The following FBXW11 variants were observed in gnomAD, a reference collection of about 807,000 sequenced individuals.
FBXW11 encodes the protein F-box/WD repeat-containing protein 11.
Under a neutral mutation model 77.6 loss-of-function variants are expected in FBXW11, and 19 were observed. That is an observed-to-expected ratio of 0.24 (90% confidence interval 0.17 to 0.36). FBXW11 has a LOEUF of 0.36. FBXW11 is among the 10% of genes least tolerant of loss of function. The pLI, the probability that FBXW11 is intolerant of heterozygous loss-of-function variation, is 1.00. For missense variants in FBXW11, 334 were observed against 704.2 expected, an observed-to-expected ratio of 0.47 and a Z score of 5.95; for synonymous variants, 235 against 249.4, an observed-to-expected ratio of 0.94 and a Z score of 0.54.
chr5:171,979,025 T>C (rs1233526294), intron 1 of FBXW11, among the ~76,000 whole-genome samples: 13 of 152,202 alleles, frequency 8.5e-5, no homozygotes, highest in Admixed American at 8.5e-4. Context: ...ATCATGTTCA[T>C]AAAGGTTAAG....
In FBXW11 at chr5:171,922,460, T is replaced by A. The variant is rs566861137; in HGVS notation, c.148-8055A>T. Among the ~76,000 whole-genome samples, 29 of 152,320 alleles carry A rather than the reference T, an allele frequency of 1.9e-4. No homozygotes were observed. The South Asian group carries it at 5.4e-3, about 28-fold the overall frequency. On this transcript the variant is annotated intron_variant, in intron 2 of 13. Transcript: ENST00000517395. ...AAAATCACTAGAAAGCCAGAAGTAT[T>A]CATTTTGAAAAAGAAGAGATAAATT...
At chr5:171,987,069 A>T (rs10039636) in intron 1 of FBXW11, among the ~76,000 whole-genome samples, 31,633 of 152,102 alleles carry the variant, frequency 0.21, 6,913 homozygotes, top group African/African-American at 0.56. Flanking sequence ...ATGCTCTTTA[A>T]GAGAATCCAG....
At chr5:171,889,509 CAG>C (rs1759158565) in intron 7 of FBXW11, among the ~76,000 whole-genome samples, 1 of 118,932 alleles carries the variant, frequency 8.4e-6, no homozygotes, top group Non-Finnish European at 1.6e-5. Context: ...GCCTGGGTGA[CAG>C]AGTGAGACTC....
chr5:171,987,046 G>T (rs1364281224), intron 1 of FBXW11, among the ~76,000 whole-genome samples: 1 of 152,170 alleles, frequency 6.6e-6, no homozygotes, highest in African/African-American at 2.4e-5. Flanking sequence ...CGCATGTGAG[G>T]GATCTACGTT....
chr5:171,878,591 TAAGAGAGAGA>T (rs1758280170), intron 7 of FBXW11, among the ~76,000 whole-genome samples: 4 of 95,478 alleles, frequency 4.2e-5, no homozygotes, highest in Non-Finnish European at 4.3e-5. Context: ...TGTGTGTGTG[TAAGAGAGAGA>T]GAGTGTGTGT....
At chr5:171,926,922 A>G (rs954561412) in intron 2 of FBXW11, among the ~76,000 whole-genome samples, 2 of 152,220 alleles carry the variant, frequency 1.3e-5, no homozygotes, top group African/African-American at 4.8e-5. Context: ...ACTTCAGTGC[A>G]GTGGGAAAAG....
At chr5:171,981,110 T>C (rs552147599) in intron 1 of FBXW11, among the ~76,000 whole-genome samples, 2 of 149,884 alleles carry the variant, frequency 1.3e-5, no homozygotes, top group East Asian at 4.0e-4. Context: ...TAATCATTAA[T>C]TAATCATTAA....
intron 1 of FBXW11, among the ~76,000 whole-genome samples, chr5:171,959,695 A>G (rs1471346021): frequency 6.6e-6 from 1 of 151,936 alleles, no homozygotes; most frequent in African/African-American, 2.4e-5. Context: ...TAAAAACACA[A>G]AAATTAGCCA....
intron 7 of FBXW11, 62 bp downstream of exon 7, chr5:171,891,405 A>G: frequency 6.9e-7 from 1 of 1,442,974 alleles, no homozygotes; most frequent in Non-Finnish European, 9.3e-7. Context: ...AGATTGTCAC[A>G]TCTAGTGTCT....
At chr5:171,988,775 G>A (rs563222320) in intron 1 of FBXW11, among the ~76,000 whole-genome samples, 15 of 152,126 alleles carry the variant, frequency 9.9e-5, no homozygotes, top group Non-Finnish European at 2.1e-4. Flanking sequence ...AATCCAGGAG[G>A]CAGAGGCTGC....
chr5:171,910,090 A>C (rs1326203011), intron 4 of FBXW11, among the ~76,000 whole-genome samples: 4 of 134,392 alleles, frequency 3.0e-5, no homozygotes, highest in African/African-American at 8.5e-5. Context: ...TTTGAGACAG[A>C]GTCTCGCTCT....
At chr5:171,952,893 A>G (rs111327342) in intron 2 of FBXW11, among the ~76,000 whole-genome samples, 3,871 of 151,378 alleles carry the variant, frequency 0.026, 52 homozygotes, top group Middle Eastern at 0.048. Context: ...CTCATCAGCT[A>G]TCGTTAGTGT....
intron 1 of FBXW11, among the ~76,000 whole-genome samples, chr5:171,974,397 G>A (rs190276373): frequency 8.7e-5 from 13 of 148,750 alleles, no homozygotes; most frequent in South Asian, 6.3e-4. Context: ...TCACACCATC[G>A]CACTCCACCC....
intron 7 of FBXW11, among the ~76,000 whole-genome samples, chr5:171,884,056 A>G (rs951651329): frequency 1.4e-5 from 2 of 143,464 alleles, no homozygotes; most frequent in Non-Finnish European, 3.0e-5. Context: ...GGTCCCAGCT[A>G]TTTATCTTTG....
At chr5:171,939,346 C>G (rs1762630211) in intron 2 of FBXW11, among the ~76,000 whole-genome samples, 1 of 152,054 alleles carries the variant, frequency 6.6e-6, no homozygotes, top group Admixed American at 6.5e-5. Flanking sequence ...AAAACCCACC[C>G]AAGTGACTCT....
At chr5:171,941,434 T>C (rs1024706195) in intron 2 of FBXW11, among the ~76,000 whole-genome samples, 3 of 151,488 alleles carry the variant, frequency 2.0e-5, no homozygotes, top group Admixed American at 1.3e-4. Context: ...CTAAAGGCAA[T>C]GCATCATTCT....
intron 1 of FBXW11, among the ~76,000 whole-genome samples, chr5:171,965,421 G>A (rs1230176885): frequency 6.6e-6 from 1 of 151,990 alleles, no homozygotes; most frequent in African/African-American, 2.4e-5. Flanking sequence ...AGCTACTCAG[G>A]AGGCTGAGGC....
At chr5:171,874,281 T>G (rs1757934364) in intron 9 of FBXW11, among the ~76,000 whole-genome samples, 1 of 152,118 alleles carries the variant, frequency 6.6e-6, no homozygotes, top group African/African-American at 2.4e-5. Flanking sequence ...GCATCATCAG[T>G]AACAAGGGAA....
At chr5:171,894,688 C>CTT (rs142463470) in intron 6 of FBXW11, among the ~76,000 whole-genome samples, 3 of 130,210 alleles carry the variant, frequency 2.3e-5, no homozygotes, top group African/African-American at 8.3e-5. Context: ...TAACCCAGGT[C>CTT]TTTTTTTTTT....
Sources: gnomAD v4.1 joint callset for allele counts (sites outside exome capture counted in the v4.1 genomes callset) on GRCh38, gnomAD v4.1.1 for gene constraint, MANE v1.5 for transcripts, NCBI Gene and HGNC (gene_info 2026-07-23, HGNC 2026-07-21) for gene names.